Variants in DNAH6 observed in about 807,000 individuals in gnomAD.
DNAH6 encodes axonemal beta dynein heavy chain 6.
Under a neutral mutation model 491.4 loss-of-function variants are expected in DNAH6, and 340 were observed. The ratio of observed to expected loss-of-function variants is 0.69; its 90% CI spans 0.63 to 0.76. The LOEUF (loss-of-function observed/expected upper bound fraction) is 0.76. Ranked by LOEUF, DNAH6 falls within the 30% of genes least tolerant of loss-of-function variation. The pLI is 0.00. For missense variants in DNAH6, 4,443 were observed against 4,972.2 expected, an observed-to-expected ratio of 0.89 and a Z score of 3.20; for synonymous variants, 1,603 against 1,686.1, an observed-to-expected ratio of 0.95 and a Z score of 1.21.
chr2:84,700,499 T>G (rs994574845), intron 48 of DNAH6, among the ~76,000 whole-genome samples: 1 of 152,212 alleles, frequency 6.6e-6, no homozygotes, highest in African/African-American at 2.4e-5. Flanking sequence ...TAGAATCCGG[T>G]GTGAAATACT....
intron 4 of DNAH6, among the ~76,000 whole-genome samples, chr2:84,541,144 C>T (rs555738471): frequency 3.3e-5 from 5 of 152,176 alleles, no homozygotes; most frequent in Admixed American, 1.3e-4. Context: ...TAAGAAATGC[C>T]GAGGGAGCAG....
chr2:84,767,700 A>C (rs564936149), intron 64 of DNAH6, among the ~76,000 whole-genome samples: 9 of 152,198 alleles, frequency 5.9e-5, no homozygotes, highest in African/African-American at 2.2e-4. Flanking sequence ...AGATCTATTA[A>C]AGTGTAATTT....
intron 74 of DNAH6, among the ~76,000 whole-genome samples, chr2:84,813,713 C>A (rs369629993): frequency 4.7e-4 from 72 of 152,334 alleles, no homozygotes; most frequent in African/African-American, 1.6e-3. Context: ...CATGACAGGG[C>A]AATGCACTGA....
At chr2:84,495,398 G>T in the DNAH6 span, among the ~76,000 whole-genome samples, 1 of 152,216 alleles carries the variant, frequency 6.6e-6, no homozygotes, top group East Asian at 1.9e-4. Context: ...CCTGACCTCA[G>T]GTGATCCATC....
chr2:84,613,975 C>G (rs1249427055), intron 22 of DNAH6, among the ~76,000 whole-genome samples: 1 of 151,764 alleles, frequency 6.6e-6, no homozygotes, highest in Non-Finnish European at 1.5e-5. Flanking sequence ...TAACTTAGTA[C>G]TTTTTATTGA....
chr2:84,785,302 A>G (rs560320077), intron 66 of DNAH6, among the ~76,000 whole-genome samples: 134 of 152,220 alleles, frequency 8.8e-4, no homozygotes, highest in Non-Finnish European at 1.5e-3. Context: ...GCAAAATTCA[A>G]TGAGGAAACC....
Position 84,787,188 on chromosome 2 carries a change from G to C in DNAH6, c.11125G>C (p.Gly3709Arg). Residue 3709 changes from glycine (G) to arginine (R), a missense_variant, in exon 68 of 77, where the codon GGT (glycine) becomes CGT (arginine). Gly to Arg is a moderately radical substitution (Grantham distance 125). Coordinates refer to ENST00000389394, the MANE Select transcript of DNAH6 (RefSeq NM_001370.2). Reference protein sequence around the residue: ...IQERKKFGPLGWNICYEFNDS... With the variant: ...IQERKKFGPLRWNICYEFNDS... Reference sequence around the variant, plus strand: ...GGAGAGAAAGAAGTTTGGCCCCCTTGGTTGGAATATCTGCTATGAATTTAA... The same window carrying C: ...GGAGAGAAAGAAGTTTGGCCCCCTTCGTTGGAATATCTGCTATGAATTTAA... 1 of 1,528,066 alleles carries C rather than the reference G, an allele frequency of 6.5e-7. No homozygotes were observed. Among genetic ancestry groups the C allele is most frequent in the Non-Finnish European group, 8.8e-7 (1 of 1,135,576 alleles). 94.7% of individuals were successfully genotyped at this position (1,528,066 alleles called of 1,614,324 possible).
At chr2:84,776,646 A>G (rs1305059696) in intron 64 of DNAH6, among the ~76,000 whole-genome samples, 1 of 152,216 alleles carries the variant, frequency 6.6e-6, no homozygotes, top group Non-Finnish European at 1.5e-5. Context: ...AGTCCCACCA[A>G]CAGTGTAAAA....
chr2:84,612,204 G>A lies in DNAH6; in HGVS notation c.3475+350G>A, dbSNP rs577602620. Reference sequence around the variant, plus strand: ...GACAACGAGACAAATATTTGCCTTCGGTTGATGTATTCAGTTAAAGCTCCT... The same window carrying A: ...GACAACGAGACAAATATTTGCCTTCAGTTGATGTATTCAGTTAAAGCTCCT... On this transcript the variant is annotated intron_variant, in intron 22 of 76. Coordinates refer to ENST00000389394, the MANE Select transcript of DNAH6 (RefSeq NM_001370.2). 9.2e-5 allele frequency among the ~76,000 whole-genome samples: 14 copies of A among 152,044 alleles called. No homozygotes were observed. In the East Asian group the frequency reaches 1.9e-3, roughly 21 times the overall value.
chr2:84,703,590 A>G, intron 50 of DNAH6, 28 bp downstream of exon 50: 1 of 1,524,290 alleles, frequency 6.6e-7, no homozygotes, highest in Non-Finnish European at 8.8e-7. Flanking sequence ...AGAATGTGGA[A>G]AAGGCTTCTG....
chr2:84,776,941 G>GT (rs1676185882), intron 64 of DNAH6, among the ~76,000 whole-genome samples: 1 of 152,188 alleles, frequency 6.6e-6, no homozygotes, highest in African/African-American at 2.4e-5. Context: ...CATGTCCTTT[G>GT]TAGGGACATG....
At chr2:84,477,129 T>C in the DNAH6 span, among the ~76,000 whole-genome samples, 1 of 152,160 alleles carries the variant, frequency 6.6e-6, no homozygotes, top group Non-Finnish European at 1.5e-5. Context: ...GCCATTGCAA[T>C]TGTGGAGGCT....
chr2:84,763,432 G>T (rs1047447057), intron 64 of DNAH6, among the ~76,000 whole-genome samples: 12 of 151,500 alleles, frequency 7.9e-5, no homozygotes, highest in South Asian at 2.1e-4. Context: ...AGCTGATTTG[G>T]TTTTTTTTAA....
At chr2:84,747,609 G>C (rs531311862) in intron 63 of DNAH6, among the ~76,000 whole-genome samples, 4 of 152,120 alleles carry the variant, frequency 2.6e-5, no homozygotes, top group Admixed American at 6.5e-5. Flanking sequence ...CTGAGGGTGC[G>C]CACTGCCAAT....
Position 84,529,175 on chromosome 2 carries a change from T to A in DNAH6, c.662+9T>A. 5 of 1,513,102 alleles carry A rather than the reference T, an allele frequency of 3.3e-6. No homozygotes were observed. The highest frequency in any genetic ancestry group is 4.5e-6 in the Non-Finnish European group (5 of 1,120,760). The allele number at this position is 1,513,102 out of a possible 1,614,324, so 93.7% of individuals were successfully genotyped here. On this transcript the variant is annotated intron_variant, in intron 4 of 76. Coordinates refer to ENST00000389394, the MANE Select transcript of DNAH6 (RefSeq NM_001370.2). ...GATACATATAATCTAAAGTGAGTTA[T>A]TTTTTATGATGCAATTTAACATAAA... is the stretch of plus-strand genomic sequence containing the variant.
rs188060132 is a variant in DNAH6 at position 84,728,304 on chromosome 2, A to G, written c.10206+402A>G. ...AGCAGCATGAAAACAGAATAATACT[A>G]TGATCGTTATTCTAGATAGAGCCCA... On this transcript the variant is annotated intron_variant, in intron 61 of 76. Transcript: ENST00000389394. 8.5e-5 allele frequency among the ~76,000 whole-genome samples: 13 copies of G among 152,288 alleles called. No homozygotes were observed. In the East Asian group the frequency reaches 2.3e-3, roughly 27 times the overall value.
chr2:84,700,883 T>A (rs1695839695), intron 48 of DNAH6, among the ~76,000 whole-genome samples: 1 of 152,204 alleles, frequency 6.6e-6, no homozygotes, highest in Non-Finnish European at 1.5e-5. Context: ...CATGATACTG[T>A]GGAGACATAC....
At chr2:84,729,970 C>T (rs1698990545) in intron 61 of DNAH6, among the ~76,000 whole-genome samples, 1 of 152,072 alleles carries the variant, frequency 6.6e-6, no homozygotes, top group Non-Finnish European at 1.5e-5. Context: ...CAGTGAGTTC[C>T]AAACACCTAT....
intron 2 of DNAH6, among the ~76,000 whole-genome samples, chr2:84,521,023 A>AT (rs1180146079): frequency 2.0e-5 from 3 of 151,438 alleles, no homozygotes; most frequent in Non-Finnish European, 4.4e-5. Context: ...TTTTATTTTA[A>AT]TTTTTTTATT....
Sources: gnomAD v4.1 joint callset for allele counts (sites outside exome capture counted in the v4.1 genomes callset) on GRCh38, gnomAD v4.1.1 for gene constraint, MANE v1.5 for transcripts, NCBI Gene and HGNC (gene_info 2026-07-23, HGNC 2026-07-21) for gene names.